The following WASL variants were observed in gnomAD, a reference collection of about 807,000 sequenced individuals.
WASL encodes the protein WASP like actin nucleation promoting factor.
Under a neutral mutation model 55.5 loss-of-function variants are expected in WASL, and 20 were observed. The observed-to-expected ratio is 0.36, with a 90% confidence interval of 0.25 to 0.52. WASL has a LOEUF of 0.52. Ranked by LOEUF, WASL falls within the 20% of genes least tolerant of loss-of-function variation. The pLI is 0.92. For missense variants in WASL, 504 were observed against 622.5 expected (o/e 0.81, Z 2.03); for synonymous variants, 249 against 217.6 (o/e 1.14, Z -1.27).
In WASL at chr7:123,724,245, T is replaced by C. The variant is rs531686815; in HGVS notation, c.118-15022A>G. Among the ~76,000 whole-genome samples, 18 of 152,320 alleles carry C rather than the reference T, an allele frequency of 1.2e-4. No individual in the cohort carries two copies. The South Asian group carries it at 3.5e-3, about 30-fold the overall frequency. ...TCTTAGTCTGGGGCAATCAACACTT[T>C]GACACTATCTTGTTATGAACCCAAT... On this transcript the variant is annotated intron_variant, in intron 1 of 10. Coordinates refer to ENST00000223023, the MANE Select transcript of WASL (RefSeq NM_003941.4).
intron 1 of WASL, among the ~76,000 whole-genome samples, chr7:123,719,359 G>T (rs1803898262): frequency 6.6e-6 from 1 of 152,176 alleles, no homozygotes; most frequent in African/African-American, 2.4e-5. Context: ...TCCCAAAAGT[G>T]AAGTACCCTC....
chr7:123,747,615 G>A (rs552433414), intron 1 of WASL, among the ~76,000 whole-genome samples: 9 of 152,182 alleles, frequency 5.9e-5, no homozygotes, highest in Middle Eastern at 3.4e-3. Context: ...GTGTTTTCTG[G>A]GTTCCAGTGG....
At chr7:123,706,445 G>A (rs1803670443) in intron 3 of WASL, 72 bp from the exon 4 acceptor site, 3 of 1,363,864 alleles carry the variant, frequency 2.2e-6, no homozygotes, top group South Asian at 1.3e-5. Context: ...AAAACAATGA[G>A]GAAAAGAAGT....
intron 1 of WASL, among the ~76,000 whole-genome samples, chr7:123,746,045 A>T (rs1234133107): frequency 6.6e-6 from 1 of 152,178 alleles, no homozygotes; most frequent in Non-Finnish European, 1.5e-5. Flanking sequence ...ACAGATGAGA[A>T]AACCAAATCT....
At chr7:123,726,298 A>AG (rs1240630474) in intron 1 of WASL, among the ~76,000 whole-genome samples, 1 of 152,168 alleles carries the variant, frequency 6.6e-6, no homozygotes, top group Non-Finnish European at 1.5e-5. Context: ...TTAACTACAT[A>AG]GGGAAAAAAT....
chr7:123,729,752 C>T (rs2116814242), intron 1 of WASL, among the ~76,000 whole-genome samples: 1 of 152,270 alleles, frequency 6.6e-6, no homozygotes, highest in Non-Finnish European at 1.5e-5. Flanking sequence ...ATAGTTACGA[C>T]TATTCTATGA....
At chr7:123,737,172 AT>A (rs555565284) in intron 1 of WASL, among the ~76,000 whole-genome samples, 107 of 152,286 alleles carry the variant, frequency 7.0e-4, no homozygotes, top group Non-Finnish European at 1.3e-3. Context: ...GCAAAAAAAA[AT>A]ATCATGTTTT....
Position 123,692,348 on chromosome 7 carries a change from G to T in WASL, c.1346C>A (p.Ser449Tyr). 6.2e-7 allele frequency: 1 copy of T among 1,600,460 alleles called. No individual in the cohort carries two copies. The highest frequency in any genetic ancestry group is 8.5e-7 in the Non-Finnish European group (1 of 1,176,626). ...DQIRQGIQLK[S>Y]VADGQESTPP... ...TGAAAAAAAAAAAAGCTTACTTACA[G>T]ATTTTAGTTGGATACCCTGTCGTAT... is the stretch of plus-strand genomic sequence containing the variant. The change falls in exon 9 of 11, where the codon TCT becomes TAT. Residue 449 changes from serine to tyrosine, a missense_variant and splice_region_variant. Around this residue, in one of 5 missense-constraint regions of WASL, gnomAD observed 53 missense variants for 69.1 expected, o/e 0.77. Coordinates refer to ENST00000223023, the MANE Select transcript of WASL (RefSeq NM_003941.4).
intron 7 of WASL, 39 bp downstream of exon 7, chr7:123,695,784 C>T (rs372919057): frequency 4.4e-6 from 7 of 1,591,994 alleles, no homozygotes; most frequent in Non-Finnish European, 6.0e-6. Context: ...CACATTTCCA[C>T]ATACAGTTAT....
intron 1 of WASL, among the ~76,000 whole-genome samples, chr7:123,737,932 C>T (rs964664396): frequency 6.6e-6 from 1 of 152,014 alleles, no homozygotes; most frequent in Admixed American, 6.6e-5. Flanking sequence ...AAAAATACTA[C>T]AGTATAGAAT....
intron 1 of WASL, among the ~76,000 whole-genome samples, chr7:123,727,353 T>TCACACACACACACACA (rs150375537): frequency 0.074 from 10,990 of 147,574 alleles, 470 homozygotes; most frequent in Non-Finnish European, 0.1. Flanking sequence ...AAAATATGTG[T>TCACACACACACACACA]CACACACACA....
At chr7:123,722,368 G>A (rs920916633) in intron 1 of WASL, among the ~76,000 whole-genome samples, 4 of 152,104 alleles carry the variant, frequency 2.6e-5, no homozygotes, top group Admixed American at 6.5e-5. Flanking sequence ...TTAAAGAATC[G>A]TATTTATTCA....
Position 123,704,621 on chromosome 7 carries a change from T to C in WASL, c.460+13A>G. ...TAAAATCTTAAAAGATTAATAATTG[T>C]CAAAAAGCTTACCATTTGGGGGATC... On this transcript the variant is annotated intron_variant, in intron 5 of 10. Transcript: ENST00000223023. 6.6e-7 allele frequency: 1 copy of C among 1,511,254 alleles called. No homozygotes were observed. Among genetic ancestry groups the C allele is most frequent in the Non-Finnish European group, 9.0e-7 (1 of 1,105,448 alleles). 93.6% of individuals were successfully genotyped at this position (1,511,254 alleles called of 1,614,324 possible). A position where few individuals can be genotyped will look rare whatever the true frequency, so the allele number is the denominator to read the frequency against.
intron 9 of WASL, 126 bp from the exon 10 acceptor site, chr7:123,689,276 G>A (rs748216706): frequency 1.5e-6 from 1 of 678,824 alleles, no homozygotes; most frequent in Non-Finnish European, 2.5e-6. Context: ...AAACTGGCAA[G>A]CGCAGGACAA....
intron 1 of WASL, among the ~76,000 whole-genome samples, chr7:123,728,926 G>A (rs1219338025): frequency 6.6e-6 from 1 of 152,180 alleles, no homozygotes; most frequent in African/African-American, 2.4e-5. Flanking sequence ...GCCTGTGGGT[G>A]TGTGTTTGCT....
chr7:123,721,640 T>A (rs978822110), intron 1 of WASL, among the ~76,000 whole-genome samples: 4 of 152,194 alleles, frequency 2.6e-5, no homozygotes, highest in African/African-American at 9.7e-5. Context: ...TTTAAGAGAC[T>A]TAAGGCTGGG....
intron 10 of WASL, among the ~76,000 whole-genome samples, chr7:123,687,098 A>G (rs1478698280): frequency 6.6e-6 from 1 of 152,110 alleles, no homozygotes; most frequent in Non-Finnish European, 1.5e-5. Context: ...CAGTTGTTCA[A>G]GTCAAAAACC....
chr7:123,694,812 C>G lies in WASL; in HGVS notation c.729G>C (p.Glu243Asp), dbSNP rs1276141489. Reference sequence around the variant, plus strand: ...ATGTTTCTCTGTCTTTAAGTTGTGCCTCTGAGATTCCACACATATCGAAAA... The same window carrying G: ...ATGTTTCTCTGTCTTTAAGTTGTGCGTCTGAGATTCCACACATATCGAAAA... ...KNLFDMCGIS[E>D]AQLKDRETSK... Residue 243 changes from glutamate to aspartate, a missense_variant, in exon 8 of 11, where the codon GAG (glutamate) becomes GAC (aspartate). Glu to Asp is a conservative substitution (Grantham distance 45). This residue lies in a region of WASL where 17 missense variants were observed against 58.4 expected (regional missense o/e 0.29). Transcript: ENST00000223023. 6.2e-7 allele frequency: 1 copy of G among 1,612,498 alleles called. No individual in the cohort carries two copies. Among genetic ancestry groups the G allele is most frequent in the Non-Finnish European group, 8.5e-7 (1 of 1,179,292 alleles).
At chr7:123,725,384 G>T (rs1804025197) in intron 1 of WASL, among the ~76,000 whole-genome samples, 1 of 151,906 alleles carries the variant, frequency 6.6e-6, no homozygotes, top group South Asian at 2.1e-4. Flanking sequence ...TTTAAAAAAG[G>T]AGGGATATAA....
Sources: allele counts gnomAD v4.1 joint callset (sites outside exome capture counted in the v4.1 genomes callset), GRCh38; gene constraint gnomAD v4.1.1; regional missense constraint gnomAD v4.1.1; transcripts MANE v1.5; gene names NCBI Gene and HGNC (gene_info 2026-07-23, HGNC 2026-07-21).